EXOC1: variants seen among roughly 807,000 people sequenced by gnomAD.
EXOC1 encodes the protein exocyst complex component 1, also known as SEC3-like 1.
EXOC1 carries 67 observed loss-of-function variants against 107.7 expected under a neutral mutation model. The ratio of observed to expected loss-of-function variants is 0.62; its 90% CI spans 0.51 to 0.76. EXOC1 has a LOEUF of 0.76. Ranked by LOEUF, EXOC1 falls within the 30% of genes least tolerant of loss-of-function variation. EXOC1 has a pLI of 0.00. For synonymous variants in EXOC1, 348 were observed against 353.5 expected (o/e 0.98, Z 0.17); for missense variants, 833 against 1,055.7 (o/e 0.79, Z 2.92).
intron 2 of EXOC1, among the ~76,000 whole-genome samples, chr4:55,858,945 T>G (rs1488840918): frequency 6.6e-6 from 1 of 152,182 alleles, no homozygotes; most frequent in Non-Finnish European, 1.5e-5. Flanking sequence ...CCTTTTGGTG[T>G]CTTAAAAGAT....
At chr4:55,888,214 TAA>T (rs1031348942) in intron 10 of EXOC1, among the ~76,000 whole-genome samples, 1 of 152,192 alleles carries the variant, frequency 6.6e-6, no homozygotes, top group African/African-American at 2.4e-5. Flanking sequence ...CCTAATGACC[TAA>T]AAAGAGTTCA....
chr4:55,892,837 T>C (rs775913825), intron 14 of EXOC1, 126 bp downstream of exon 14: 171 of 784,144 alleles, frequency 2.2e-4, no homozygotes, highest in Non-Finnish European at 3.3e-4. Flanking sequence ...AGCATGTGTG[T>C]CCATTGTCTT....
chr4:55,894,564 C>A (rs1476281092), intron 15 of EXOC1, among the ~76,000 whole-genome samples: 2 of 145,582 alleles, frequency 1.4e-5, no homozygotes, highest in South Asian at 2.2e-4. Flanking sequence ...GAGCAATTAT[C>A]ATTTTCCTCC....
At chr4:55,865,259 C>T (rs1560333008) in intron 4 of EXOC1, among the ~76,000 whole-genome samples, 1 of 152,116 alleles carries the variant, frequency 6.6e-6, no homozygotes, top group Non-Finnish European at 1.5e-5. Flanking sequence ...AAAAACTCTA[C>T]CATTAATTAG....
At chr4:55,858,194 T>C (rs974710653) in intron 1 of EXOC1, 120 bp from the exon 2 acceptor site, 1 of 921,302 alleles carries the variant, frequency 1.1e-6, no homozygotes, top group Non-Finnish European at 1.6e-6. Flanking sequence ...GGTGTATTCA[T>C]ATATTAAATC....
rs1261303102 is a variant in EXOC1, at chr4:55,882,129, G to GTTTTGT, written c.1225-1684_1225-1679dup. On this transcript the variant is annotated intron_variant, in intron 9 of 18. Transcript: ENST00000381295. The stretch of plus-strand genomic sequence containing the variant: ...TGTTGTTGTTGTTGTATTGTGTTTT[G>GTTTTGT]TTTTGTTTTTGTTTTCGTTTTTGTT... 5.5e-5 allele frequency among the ~76,000 whole-genome samples: 8 copies of GTTTTGT among 145,962 alleles called. No individual in the cohort carries two copies. The Admixed American group carries it at 5.5e-4, about 10-fold the overall frequency.
At position 55,871,982 on chromosome 4, in the gene EXOC1, C is replaced by G. The variant is rs116871749; in HGVS notation, c.1074+24C>G. The G allele has an allele frequency of 2.1e-5, 34 of 1,591,992 alleles. No homozygotes were observed. In the South Asian group the frequency reaches 3.1e-4, roughly 15 times the overall value. ...AGGTAATTTTATTTTATTATTAAAACGAGCATGTTCCTATAGCTTATTTAT... is the reference window on the plus strand; with the variant it reads ...AGGTAATTTTATTTTATTATTAAAAGGAGCATGTTCCTATAGCTTATTTAT... On this transcript the variant is annotated intron_variant, in intron 8 of 18. Coordinates refer to ENST00000381295, the MANE Select transcript of EXOC1 (RefSeq NM_001024924.2).
chr4:55,902,614 A>C lies in EXOC1; in HGVS notation c.2532+76A>C. On this transcript the variant is annotated intron_variant, in intron 18 of 18. Coordinates refer to ENST00000381295, the MANE Select transcript of EXOC1 (RefSeq NM_001024924.2). ...CTTTTCTTTAAATAATTTTCTAGAA[A>C]TGCTACAGATCTAGAGCAGGAGGAG... 6.7e-6 allele frequency: 8 copies of C among 1,199,372 alleles called. No individual in the cohort carries two copies. In the South Asian group the frequency reaches 8.6e-5, roughly 13 times the overall value. 74.3% of individuals were successfully genotyped at this position (1,199,372 alleles called of 1,614,324 possible). A position where few individuals can be genotyped will look rare whatever the true frequency, so the allele number is the denominator to read the frequency against.
At chr4:55,857,516 A>G (rs1192094748) in intron 1 of EXOC1, among the ~76,000 whole-genome samples, 1 of 152,114 alleles carries the variant, frequency 6.6e-6, no homozygotes, top group African/African-American at 2.4e-5. Context: ...GTATGGATAT[A>G]CCACATTTTG....
At chr4:55,862,316 A>AT (rs201169091) in intron 3 of EXOC1, among the ~76,000 whole-genome samples, 8,558 of 146,066 alleles carry the variant, frequency 0.059, 555 homozygotes, top group Admixed American at 0.19. Context: ...TGCTTAATGG[A>AT]TTTTTTTTTT....
At chr4:55,899,092 G>A (rs1211919403) in intron 16 of EXOC1, among the ~76,000 whole-genome samples, 1 of 151,866 alleles carries the variant, frequency 6.6e-6, no homozygotes, top group African/African-American at 2.4e-5. Flanking sequence ...AACCTGATAG[G>A]CTATAAATTA....
chr4:55,860,326 C>A, intron 2 of EXOC1, 85 bp from the exon 3 acceptor site: 3 of 1,541,988 alleles, frequency 1.9e-6, no homozygotes, highest in Non-Finnish European at 1.8e-6. Flanking sequence ...CTACTAGGCA[C>A]CTGAAAGCTA....
At chr4:55,904,291 G>A (rs1726368571) in intron 18 of EXOC1, 52 bp from the exon 19 acceptor site, 1 of 1,521,460 alleles carries the variant, frequency 6.6e-7, no homozygotes, top group Non-Finnish European at 8.9e-7. Context: ...CTGCATACTA[G>A]ATTACATATT....
At chr4:55,877,779 T>A in intron 8 of EXOC1, 138 bp from the exon 9 acceptor site, 4 of 1,447,398 alleles carry the variant, frequency 2.8e-6, no homozygotes, top group Non-Finnish European at 3.6e-6. Context: ...GTTTTTATTT[T>A]TCTGTGTTCT....
At chr4:55,899,651 A>G (rs1286149825) in intron 16 of EXOC1, 34 bp from the exon 17 acceptor site, 1 of 1,568,702 alleles carries the variant, frequency 6.4e-7, no homozygotes, top group Admixed American at 1.8e-5. Context: ...TCATACTCAG[A>G]GATGTTATTT....
At chr4:55,870,460 T>G (rs911394195) in intron 5 of EXOC1, among the ~76,000 whole-genome samples, 1 of 152,236 alleles carries the variant, frequency 6.6e-6, no homozygotes, top group Non-Finnish European at 1.5e-5. Flanking sequence ...TAACATTGAT[T>G]TAGAGGCAAG....
At chr4:55,870,442 A>G (rs535877701) in intron 5 of EXOC1, among the ~76,000 whole-genome samples, 4 of 152,238 alleles carry the variant, frequency 2.6e-5, no homozygotes, top group Non-Finnish European at 5.9e-5. Context: ...ATCCTAAGGC[A>G]TGGTCCCTAA....
At chr4:55,882,782 G>A (rs990344467) in intron 9 of EXOC1, 1 of 152,052 alleles carries the variant, frequency 6.6e-6, no homozygotes. Flanking sequence ...TTTAAAGCAG[G>A]TAAACATGTT....
intron 7 of EXOC1, among the ~76,000 whole-genome samples, chr4:55,871,447 T>C (rs901610911): frequency 3.3e-5 from 5 of 152,170 alleles, no homozygotes; most frequent in Non-Finnish European, 7.3e-5. Context: ...ATGACTATAG[T>C]CAACACCATG....
Sources: gnomAD v4.1 joint callset for allele counts (sites outside exome capture counted in the v4.1 genomes callset) on GRCh38, gnomAD v4.1.1 for gene constraint, MANE v1.5 for transcripts, NCBI Gene and HGNC (gene_info 2026-07-23, HGNC 2026-07-21) for gene names.